The following SMYD3 variants were observed in gnomAD, a reference collection of about 807,000 sequenced individuals.
The protein encoded by SMYD3 is SET and MYND domain containing 3.
A neutral mutation model predicts 57.7 loss-of-function variants in SMYD3; 36 were observed. The observed-to-expected ratio is 0.62, with a 90% CI of 0.48 to 0.82. SMYD3 has a LOEUF of 0.82. Among genes scored for constraint, SMYD3 ranks in the 40% least tolerant of loss-of-function variants. SMYD3 has a pLI of 0.00. For synonymous variants in SMYD3, 211 were observed against 195.0 expected, an observed-to-expected ratio of 1.08 and a Z score of -0.68; for missense variants, 515 against 538.8, an observed-to-expected ratio of 0.96 and a Z score of 0.44.
intron 3 of SMYD3, 31 bp downstream of exon 3, chr1:246,335,336 C>T (rs2065525639): frequency 6.3e-7 from 1 of 1,592,890 alleles, no homozygotes; most frequent in South Asian, 1.1e-5. Context: ...TTAACCAAAA[C>T]CCAGCTATAT....
chr1:245,869,459 G>C (rs1352575066), intron 8 of SMYD3, among the ~76,000 whole-genome samples: 4 of 152,166 alleles, frequency 2.6e-5, no homozygotes, highest in Admixed American at 2.0e-4. Flanking sequence ...AACCACTCTA[G>C]TGATTTCAGC....
At chr1:245,813,471 T>C (rs1417624747) in intron 10 of SMYD3, among the ~76,000 whole-genome samples, 1 of 152,144 alleles carries the variant, frequency 6.6e-6, no homozygotes, top group Non-Finnish European at 1.5e-5. Context: ...AGGTTGTCTA[T>C]GCTACAGAAT....
rs372169231 is a variant in SMYD3, at chr1:246,463,636, T to C, written c.164+43418A>G. ...ATGGAGACCATCGTGGCTAACACGG[T>C]GAAACCCCATCTCTACTAAAAATAC... On this transcript the variant is annotated intron_variant, in intron 1 of 11. Transcript: ENST00000490107. Among the ~76,000 whole-genome samples the C allele has an allele frequency of 5.1e-4, 53 of 104,058 alleles. No individual in the cohort carries two copies. The East Asian group carries it at 0.011, about 22-fold the overall frequency. 68.3% of individuals were successfully genotyped at this position (104,058 alleles called of 152,430 possible).
Position 246,298,933 on chromosome 1 carries a change from G to T in SMYD3, c.531+28268C>A, listed in dbSNP as rs536975729. On this transcript the variant is annotated intron_variant, in intron 5 of 11. Coordinates refer to ENST00000490107, the MANE Select transcript of SMYD3 (RefSeq NM_001167740.2). ...CATTACTTATATCACTTTTAAGATT[G>T]GCAAGGATGAAAAAGAGTAACAGTA... Among the ~76,000 whole-genome samples the T allele has an allele frequency of 3.9e-5, 6 of 152,202 alleles. No individual in the cohort carries two copies. The South Asian group carries it at 1.2e-3, about 32-fold the overall frequency.
chr1:246,061,419 G>A (rs1449776347), intron 5 of SMYD3, among the ~76,000 whole-genome samples: 1 of 151,428 alleles, frequency 6.6e-6, no homozygotes, highest in East Asian at 2.0e-4. Context: ...CCAATAAAAT[G>A]GTAAAAGAAA....
intron 1 of SMYD3, among the ~76,000 whole-genome samples, chr1:246,457,612 T>C (rs2067724053): frequency 6.6e-6 from 1 of 151,722 alleles, no homozygotes; most frequent in Non-Finnish European, 1.5e-5. Flanking sequence ...TTCTCTACCA[T>C]GGCCTATACA....
chr1:246,042,818 T>C (rs1366008982), intron 5 of SMYD3, among the ~76,000 whole-genome samples: 2 of 152,202 alleles, frequency 1.3e-5, no homozygotes, highest in African/African-American at 4.8e-5. Flanking sequence ...CCAGAAACCC[T>C]GTATTTACCT....
At chr1:245,793,272 G>A (rs546858575) in intron 10 of SMYD3, among the ~76,000 whole-genome samples, 1 of 151,758 alleles carries the variant, frequency 6.6e-6, no homozygotes, top group African/African-American at 2.4e-5. Context: ...TCGTGCCACT[G>A]CACTCCAGCT....
At chr1:245,985,261 C>T (rs548083743) in intron 5 of SMYD3, among the ~76,000 whole-genome samples, 9 of 152,254 alleles carry the variant, frequency 5.9e-5, no homozygotes, top group African/African-American at 2.2e-4. Flanking sequence ...CTCATCCATG[C>T]CTGTCTTTCA....
intron 1 of SMYD3, among the ~76,000 whole-genome samples, chr1:246,422,059 C>T (rs2067151805): frequency 6.6e-6 from 1 of 152,124 alleles, no homozygotes; most frequent in African/African-American, 2.4e-5. Flanking sequence ...TCCCTTAGCC[C>T]AGTTAACCAT....
At chr1:246,260,738 C>T (rs574031383) in intron 5 of SMYD3, among the ~76,000 whole-genome samples, 117 of 152,016 alleles carry the variant, frequency 7.7e-4, no homozygotes, top group Non-Finnish European at 1.2e-3. Context: ...GCCCCATTTT[C>T]CTTCTTGAAA....
intron 3 of SMYD3, 91 bp from the exon 4 acceptor site, chr1:246,330,628 AAAGTCC>A: frequency 9.5e-7 from 1 of 1,047,200 alleles, no homozygotes; most frequent in Non-Finnish European, 1.3e-6. Flanking sequence ...TATTTAAATG[AAAGTCC>A]ATCAAAAAGA....
At chr1:245,755,044 C>T (rs2148016530) in intron 11 of SMYD3, among the ~76,000 whole-genome samples, 1 of 152,266 alleles carries the variant, frequency 6.6e-6, no homozygotes, top group East Asian at 1.9e-4. Flanking sequence ...TTTAATCAAT[C>T]AATCAGTACA....
At chr1:245,825,504 G>A (rs550198188) in intron 10 of SMYD3, among the ~76,000 whole-genome samples, 1 of 152,210 alleles carries the variant, frequency 6.6e-6, no homozygotes, top group Non-Finnish European at 1.5e-5. Context: ...CACTAGGTGG[G>A]CGGAGGGCTT....
chr1:246,394,671 C>G (rs2066627720), intron 1 of SMYD3, among the ~76,000 whole-genome samples: 3 of 152,060 alleles, frequency 2.0e-5, no homozygotes, highest in Admixed American at 2.0e-4. Flanking sequence ...TATATGAGAG[C>G]CTCCCGAACT....
At chr1:246,291,239 A>C (rs2064684227) in intron 5 of SMYD3, among the ~76,000 whole-genome samples, 1 of 152,230 alleles carries the variant, frequency 6.6e-6, no homozygotes, top group Admixed American at 6.5e-5. Flanking sequence ...GTAAAATAAT[A>C]TTCGCATACA....
At chr1:245,801,459 T>C (rs2791396) in intron 10 of SMYD3, among the ~76,000 whole-genome samples, 37,527 of 152,038 alleles carry the variant, frequency 0.25, 5,713 homozygotes, top group African/African-American at 0.43. Flanking sequence ...CATTCAAGTC[T>C]AAGTCCATGA....
chr1:245,912,114 A>T (rs2055036703), intron 8 of SMYD3, among the ~76,000 whole-genome samples: 1 of 152,112 alleles, frequency 6.6e-6, no homozygotes, highest in African/African-American at 2.4e-5. Context: ...GAGAAACTAA[A>T]AGACTCCACC....
rs749022916 is a variant in SMYD3 at position 246,054,873 on chromosome 1, TAAA to T, written c.532-124939_532-124937del. Among the ~76,000 whole-genome samples the T allele has an allele frequency of 6.9e-3, 548 of 79,114 alleles. 4 individuals are homozygous for T. Among genetic ancestry groups the T allele is most frequent in the African/African-American group, 0.02 (512 of 25,814 alleles). The allele number at this position is 79,114 out of a possible 152,430, so 51.9% of individuals were successfully genotyped here. A position where few individuals can be genotyped will look rare whatever the true frequency, so the allele number is the denominator to read the frequency against. On this transcript the variant is annotated intron_variant, in intron 5 of 11. Transcript: ENST00000490107. The stretch of plus-strand genomic sequence containing the variant: ...ACCTTAACACTCATTAGGATGACTA[TAAA>T]AAAAAAAAAAAAAAAAAGGCCAGGT...
Sources: gnomAD v4.1 joint callset for allele counts (sites outside exome capture counted in the v4.1 genomes callset) on GRCh38, gnomAD v4.1.1 for gene constraint, MANE v1.5 for transcripts, NCBI Gene and HGNC (gene_info 2026-07-23, HGNC 2026-07-21) for gene names.